The following DOCK1 variants were observed in gnomAD, a reference collection of about 807,000 sequenced individuals.
DOCK1 encodes the protein dedicator of cytokinesis protein 1.
In DOCK1, 138 loss-of-function variants were observed where a neutral mutation model predicts 262.7. That is an observed-to-expected ratio of 0.53 (90% CI 0.46 to 0.61). The LOEUF (loss-of-function observed/expected upper bound fraction) is 0.61. DOCK1 is among the 20% of genes least tolerant of loss of function. DOCK1 has a pLI of 0.00. For missense variants in DOCK1, 1,908 were observed against 2,370.7 expected (o/e 0.80, Z 4.05); for synonymous variants, 866 against 867.4 (o/e 1.00, Z 0.03).
Position 127,175,447 on chromosome 10 carries a change from CG to C in DOCK1, c.2847+47688del. The C allele has an allele frequency of 1.2e-6, 2 of 1,611,938 alleles. No homozygotes were observed. The highest frequency in any genetic ancestry group is 8.5e-7 in the Non-Finnish European group (1 of 1,180,028). ...GTCTGCGACGGCTGCTCACTACATT[CG>C]GGGGACAGGCACTGCATCGGGGGTG... On this transcript the variant is annotated intron_variant, in intron 27 of 51. Transcript: ENST00000623213. The surrounding 1 kb of genome is among the most constrained non-coding windows in gnomAD (Gnocchi z 6.3).
At chr10:127,323,458 T>G (rs2062624815) in intron 29 of DOCK1, among the ~76,000 whole-genome samples, 1 of 152,188 alleles carries the variant, frequency 6.6e-6, no homozygotes, top group African/African-American at 2.4e-5. Context: ...CCACTTAAAT[T>G]GCAGTTTCTC....
chr10:127,125,929 TA>T (rs2049925895), intron 26 of DOCK1, among the ~76,000 whole-genome samples: 1 of 152,146 alleles, frequency 6.6e-6, no homozygotes, highest in African/African-American at 2.4e-5. Flanking sequence ...TCTTTCTTCT[TA>T]TTTTTATTAA....
At chr10:127,431,730 A>G (rs115185903) in intron 47 of DOCK1, among the ~76,000 whole-genome samples, 2,296 of 152,272 alleles carry the variant, frequency 0.015, 53 homozygotes, top group African/African-American at 0.047. Context: ...GGCCATGCTC[A>G]TTCATTTCTG....
intron 31 of DOCK1, among the ~76,000 whole-genome samples, chr10:127,352,588 G>A (rs1442807669): frequency 2.0e-5 from 3 of 152,068 alleles, no homozygotes; most frequent in Non-Finnish European, 4.4e-5. Context: ...GTTCAGCCTA[G>A]CAGTGGCCAG....
At chr10:127,218,432 G>A (rs1459434068) in intron 27 of DOCK1, among the ~76,000 whole-genome samples, 3 of 152,124 alleles carry the variant, frequency 2.0e-5, no homozygotes, top group Non-Finnish European at 4.4e-5. Context: ...TTAATGACTT[G>A]CATTACTTCT....
intron 15 of DOCK1, 97 bp downstream of exon 15, chr10:127,024,880 C>A: frequency 1.9e-6 from 2 of 1,064,016 alleles, no homozygotes; most frequent in Non-Finnish European, 2.6e-6. Flanking sequence ...AGCCCGGGAG[C>A]TGCTCCAGGC....
chr10:126,905,512 G>A lies in DOCK1; in HGVS notation c.-6G>A. On this transcript the variant is annotated 5_prime_UTR_variant, in exon 1 of 52. Transcript: ENST00000623213. ...CTGCCCGACCCGCGGCGGCTCCGGC[G>A]GCGCCATGACGCGCTGGGTGCCCAC... The A allele has an allele frequency of 1.9e-6, 1 of 536,702 alleles. No homozygotes were observed. Among genetic ancestry groups the A allele is most frequent in the Admixed American group, 2.9e-5 (1 of 34,162 alleles). The allele number at this position is 536,702 out of a possible 1,614,324, so 33.2% of individuals were successfully genotyped here.
intron 38 of DOCK1, among the ~76,000 whole-genome samples, chr10:127,396,518 A>T (rs1327929224): frequency 6.6e-6 from 1 of 152,072 alleles, no homozygotes; most frequent in Admixed American, 6.5e-5. Context: ...TCCGTAAAGG[A>T]TGGTCTGCAC....
intron 27 of DOCK1, among the ~76,000 whole-genome samples, chr10:127,200,315 A>G (rs544107851): frequency 6.6e-6 from 1 of 152,350 alleles, no homozygotes; most frequent in East Asian, 1.9e-4. Flanking sequence ...CCTAGGTACA[A>G]TACTCATATA....
chr10:127,451,371 C>T lies in DOCK1; in HGVS notation c.5605C>T (p.Pro1869Ser). 1.2e-6 allele frequency: 2 copies of T among 1,600,538 alleles called. No homozygotes were observed. Among genetic ancestry groups the T allele is most frequent in the Non-Finnish European group, 1.7e-6 (2 of 1,173,698 alleles). Reference protein sequence around the residue: ...PPLPSKTPPPPPPKTTRKQAS... With the variant: ...PPLPSKTPPPSPPKTTRKQAS... The stretch of plus-strand genomic sequence containing the variant: ...ACTGCCCAGCAAAACTCCGCCTCCT[C>T]CCCCTCCAAAGACAACTCGCAAGCA... The change falls in exon 52 of 52, where the codon CCC (proline) becomes TCC (serine). Residue 1869 changes from proline to serine, a missense_variant. Physicochemically the swap from Pro to Ser is moderately conservative, Grantham distance 74. Transcript: ENST00000623213.
chr10:127,380,200 G>A (rs1008492684), intron 36 of DOCK1, 78 bp downstream of exon 36: 2 of 1,152,534 alleles, frequency 1.7e-6, no homozygotes, highest in South Asian at 1.7e-5. Context: ...GCTAAGAAAT[G>A]TGTTATAGCC....
At chr10:126,967,342 A>G (rs1263339160) in intron 1 of DOCK1, among the ~76,000 whole-genome samples, 1 of 152,170 alleles carries the variant, frequency 6.6e-6, no homozygotes, top group Non-Finnish European at 1.5e-5. Flanking sequence ...TTCATTTAAA[A>G]AAATTCCCTA....
At position 127,175,413 on chromosome 10, in the gene DOCK1, G is replaced by A. The variant is rs755171732; in HGVS notation, c.2847+47649G>A. 18 of 1,613,368 alleles carry A rather than the reference G, an allele frequency of 1.1e-5. No homozygotes were observed. The highest frequency in any genetic ancestry group is 2.7e-5 in the African/African-American group (2 of 74,934). ...ACTAGGCTGGTTCCCCAGCCCCGGC[G>A]GGGTGTGAGTCTGCGACGGCTGCTC... On this transcript the variant is annotated intron_variant, in intron 27 of 51. Coordinates refer to ENST00000623213, the MANE Select transcript of DOCK1 (RefSeq NM_001290223.2). This position sits in a 1 kb window ranked among gnomAD's most constrained non-coding sequence, Gnocchi z 6.3.
At chr10:127,301,077 A>G (rs2061662822) in intron 29 of DOCK1, among the ~76,000 whole-genome samples, 1 of 152,200 alleles carries the variant, frequency 6.6e-6, no homozygotes, top group Non-Finnish European at 1.5e-5. Flanking sequence ...TCCTAGCAGC[A>G]CGCATCAGTG....
Position 126,990,564 on chromosome 10 carries a change from T to TGAA in DOCK1, c.442_444dup (p.Lys148dup), listed in dbSNP as rs758997336. On this transcript the variant is annotated inframe_insertion, in exon 6 of 52. Transcript: ENST00000623213. ...CTGCCTCAGGATGAACTCAAAGAAC[T>TGAA]GAAGAAGAAGGTCACAGCCAAAATT... 1 of 1,613,762 alleles carries TGAA rather than the reference T, an allele frequency of 6.2e-7. No homozygotes were observed. The highest frequency in any genetic ancestry group is 2.2e-5 in the East Asian group (1 of 44,862).
At chr10:127,349,896 G>C (rs1039564180) in intron 31 of DOCK1, among the ~76,000 whole-genome samples, 1 of 152,064 alleles carries the variant, frequency 6.6e-6, no homozygotes, top group African/African-American at 2.4e-5. Flanking sequence ...TATAAGGACA[G>C]AGGTCACTGG....
At chr10:127,257,951 C>A (rs987310093) in intron 29 of DOCK1, among the ~76,000 whole-genome samples, 4 of 152,146 alleles carry the variant, frequency 2.6e-5, no homozygotes, top group African/African-American at 9.7e-5. Context: ...TCTGTAAGCA[C>A]TAACAATGAC....
At chr10:127,213,537 C>T (rs1470545873) in intron 27 of DOCK1, among the ~76,000 whole-genome samples, 1 of 152,180 alleles carries the variant, frequency 6.6e-6, no homozygotes, top group Non-Finnish European at 1.5e-5. Context: ...GATTGGGTAA[C>T]ACCAAGATGA....
chr10:127,219,846 G>C (rs1026802012), intron 27 of DOCK1, among the ~76,000 whole-genome samples: 1 of 152,042 alleles, frequency 6.6e-6, no homozygotes, highest in South Asian at 2.1e-4. Flanking sequence ...CATCCTGTTT[G>C]GTGACACCCA....
Sources: allele counts gnomAD v4.1 joint callset (sites outside exome capture counted in the v4.1 genomes callset), GRCh38; gene constraint gnomAD v4.1.1; non-coding constraint Gnocchi (gnomAD v3.1); transcripts MANE v1.5; gene names NCBI Gene and HGNC (gene_info 2026-07-23, HGNC 2026-07-21).